The following XPO7 variants were observed in gnomAD, a reference collection of about 807,000 sequenced individuals.
XPO7 encodes exportin 7.
A neutral mutation model predicts 144.3 loss-of-function variants in XPO7; 21 were observed. That is an observed-to-expected ratio of 0.15 (90% CI 0.10 to 0.21). The LOEUF (loss-of-function observed/expected upper bound fraction) is 0.21. Ranked by LOEUF, XPO7 falls within the 10% of genes least tolerant of loss-of-function variation. XPO7 has a pLI of 1.00. For synonymous variants in XPO7, 580 were observed against 499.6 expected (o/e 1.16, Z -2.15); for missense variants, 808 against 1,325.8 (o/e 0.61, Z 6.06).
Position 22,003,242 on chromosome 8 carries a change from C to T in XPO7, c.2967C>T (p.Ile989=). Residue 989 remains isoleucine, a synonymous_variant, in exon 26 of 28, where the codon ATC becomes ATT. Transcript: ENST00000252512. The part of the protein sequence containing the change: ...IQQMLSTVLN[I]IIFEDCRNQW... ...AGATGCTGTCCACGGTGCTGAACAT[C>T]ATCATCTTTGAAGACTGTAGGAACC... 3.1e-6 allele frequency: 5 copies of T among 1,612,936 alleles called. No homozygotes were observed. The highest frequency in any genetic ancestry group is 3.4e-6 in the Non-Finnish European group (4 of 1,179,526).
intron 21 of XPO7, among the ~76,000 whole-genome samples, chr8:21,997,737 T>C (rs763944765): frequency 8.6e-5 from 13 of 152,014 alleles, no homozygotes; most frequent in Non-Finnish European, 4.4e-5. Flanking sequence ...AAGGCTACCA[T>C]GTGAAGAATG....
intron 1 of XPO7, among the ~76,000 whole-genome samples, chr8:21,920,338 C>T (rs889892811): frequency 6.6e-6 from 1 of 152,174 alleles, no homozygotes; most frequent in African/African-American, 2.4e-5. Context: ...CGGATGCGCC[C>T]TTCCCTCCGA....
intron 1 of XPO7, among the ~76,000 whole-genome samples, chr8:21,933,608 A>AT (rs1173205141): frequency 2.0e-5 from 3 of 152,136 alleles, no homozygotes; most frequent in African/African-American, 7.2e-5. Context: ...ACACTGTAAC[A>AT]TTTTTTATAT....
At chr8:21,941,398 C>T (rs1012602549) in intron 1 of XPO7, among the ~76,000 whole-genome samples, 4 of 152,174 alleles carry the variant, frequency 2.6e-5, no homozygotes, top group Admixed American at 6.5e-5. Flanking sequence ...GCAACCCTCT[C>T]GCCTTGGCCT....
At chr8:21,934,201 G>A (rs1473432668) in intron 1 of XPO7, among the ~76,000 whole-genome samples, 3 of 152,164 alleles carry the variant, frequency 2.0e-5, no homozygotes, top group South Asian at 2.1e-4. Flanking sequence ...GAAAAGTGTT[G>A]TAATGAAATA....
intron 1 of XPO7, among the ~76,000 whole-genome samples, chr8:21,936,470 A>C (rs1810825858): frequency 6.6e-6 from 1 of 152,236 alleles, no homozygotes; most frequent in Admixed American, 6.5e-5. Flanking sequence ...ATTAAATGAT[A>C]CATACTCTAA....
chr8:21,989,606 G>T (rs181777682), intron 16 of XPO7, among the ~76,000 whole-genome samples: 1 of 152,012 alleles, frequency 6.6e-6, no homozygotes, highest in Non-Finnish European at 1.5e-5. Flanking sequence ...CTTTCTTCTC[G>T]CTTTTCCAAA....
chr8:21,920,311 C>T (rs1490149661), intron 1 of XPO7, among the ~76,000 whole-genome samples: 1 of 152,122 alleles, frequency 6.6e-6, no homozygotes, highest in Non-Finnish European at 1.5e-5. Context: ...GCAACCCCGG[C>T]CTCCTTCCCC....
In XPO7 at chr8:21,981,800, C is replaced by T; in HGVS notation, c.1027C>T (p.Leu343=). Residue 343 remains leucine, a synonymous_variant, in exon 10 of 28, where the codon CTG becomes TTG. Coordinates refer to ENST00000252512, the MANE Select transcript of XPO7 (RefSeq NM_015024.5). ...LLARLKSNYQ[L]GELVKVENYP... ...GGCCCGATTGAAGAGTAACTATCAACTGGGAGAATTGGTAAAGGTGGAAAA... is the reference window on the plus strand; with the variant it reads ...GGCCCGATTGAAGAGTAACTATCAATTGGGAGAATTGGTAAAGGTGGAAAA... 1 of 1,613,940 alleles carries T rather than the reference C, an allele frequency of 6.2e-7. No individual in the cohort carries two copies. Among genetic ancestry groups the T allele is most frequent in the Non-Finnish European group, 8.5e-7 (1 of 1,179,880 alleles).
chr8:21,956,816 T>G (rs569200252), intron 1 of XPO7, among the ~76,000 whole-genome samples: 5 of 152,294 alleles, frequency 3.3e-5, no homozygotes, highest in African/African-American at 7.2e-5. Flanking sequence ...CTTTTGTTTT[T>G]TGGTCAAGTT....
intron 1 of XPO7, among the ~76,000 whole-genome samples, chr8:21,922,629 G>C (rs551302846): frequency 6.6e-6 from 1 of 152,284 alleles, no homozygotes; most frequent in East Asian, 1.9e-4. Context: ...TGGTGATGAA[G>C]AAGATTAAGA....
chr8:21,938,522 A>G (rs1351772199), intron 1 of XPO7, among the ~76,000 whole-genome samples: 2 of 152,194 alleles, frequency 1.3e-5, no homozygotes, highest in Non-Finnish European at 2.9e-5. Context: ...TCTGCATTCA[A>G]GGCACTGAGA....
chr8:22,004,900 C>T, intron 27 of XPO7, 95 bp from the exon 28 acceptor site: 1 of 659,916 alleles, frequency 1.5e-6, no homozygotes. Context: ...TCAATTCATA[C>T]ATTCTACTTC....
intron 1 of XPO7, among the ~76,000 whole-genome samples, chr8:21,920,578 G>T (rs1810246920): frequency 1.3e-5 from 2 of 152,192 alleles, no homozygotes; most frequent in Non-Finnish European, 2.9e-5. Flanking sequence ...TGCTCCTAGC[G>T]TGCTGTGGGG....
At chr8:21,974,330 A>G (rs1033390408) in intron 5 of XPO7, among the ~76,000 whole-genome samples, 4 of 152,116 alleles carry the variant, frequency 2.6e-5, no homozygotes, top group African/African-American at 7.2e-5. Context: ...CGCCTGGCCC[A>G]TTAAGCCACA....
intron 1 of XPO7, among the ~76,000 whole-genome samples, chr8:21,942,140 T>A (rs893929411): frequency 6.6e-6 from 1 of 152,256 alleles, no homozygotes; most frequent in Non-Finnish European, 1.5e-5. Context: ...TATTTCTTGG[T>A]AAATAAGATA....
intron 8 of XPO7, 51 bp downstream of exon 8, chr8:21,977,894 A>G (rs376972409): frequency 6.8e-6 from 10 of 1,478,062 alleles, no homozygotes; most frequent in Non-Finnish European, 9.4e-6. Flanking sequence ...AGAAGATAGC[A>G]ATGGTGAATG....
At chr8:21,923,873 C>T (rs1178359649) in intron 1 of XPO7, among the ~76,000 whole-genome samples, 5 of 152,212 alleles carry the variant, frequency 3.3e-5, no homozygotes, top group African/African-American at 1.2e-4. Context: ...TCTGTAGGTA[C>T]AACTACTGAG....
chr8:21,975,295 T>A (rs1479485366), intron 6 of XPO7, among the ~76,000 whole-genome samples: 1 of 152,220 alleles, frequency 6.6e-6, no homozygotes, highest in African/African-American at 2.4e-5. Context: ...ATTTTTAACA[T>A]CCATTTAGAT....
Sources: gnomAD v4.1 joint callset for allele counts (sites outside exome capture counted in the v4.1 genomes callset) on GRCh38, gnomAD v4.1.1 for gene constraint, MANE v1.5 for transcripts, NCBI Gene and HGNC (gene_info 2026-07-23, HGNC 2026-07-21) for gene names.